Variants in CENPW observed in about 807,000 individuals in gnomAD.
CENPW encodes cancer-up-regulated gene 2 protein.
A neutral mutation model predicts 11.1 loss-of-function variants in CENPW; 3 were observed. The ratio of observed to expected loss-of-function variants is 0.27; its 90% CI spans 0.12 to 0.70. The LOEUF is 0.70. Among genes scored for constraint, CENPW ranks in the 30% least tolerant of loss-of-function variants. The probability of loss-of-function intolerance (pLI) is 0.77; values close to 1 mark genes in which losing one functional copy is unlikely to be tolerated. For missense variants in CENPW, 100 were observed against 105.6 expected (o/e 0.95, Z 0.23); for synonymous variants, 38 against 42.0 (o/e 0.91, Z 0.37).
At chr6:126,422,020 T>C in the CENPW span, among the ~76,000 whole-genome samples, 1 of 152,108 alleles carries the variant, frequency 6.6e-6, no homozygotes, top group Non-Finnish European at 1.5e-5. Flanking sequence ...GTACCTATAT[T>C]TGAAAAGCAA....
the CENPW span, among the ~76,000 whole-genome samples, chr6:126,461,742 AC>A: frequency 6.6e-6 from 1 of 151,984 alleles, no homozygotes; most frequent in African/African-American, 2.4e-5. Flanking sequence ...GAATGATGAT[AC>A]AGCTTTGATG....
chr6:126,427,747 C>T, the CENPW span, among the ~76,000 whole-genome samples: 1 of 152,074 alleles, frequency 6.6e-6, no homozygotes, highest in Non-Finnish European at 1.5e-5. Context: ...GTGACAAACC[C>T]CATTTTCCAT....
the CENPW span, among the ~76,000 whole-genome samples, chr6:126,451,950 G>A: frequency 1.1e-4 from 17 of 150,658 alleles, no homozygotes; most frequent in South Asian, 6.3e-4. Flanking sequence ...ATAACTATAC[G>A]AAAGACTTTC....
chr6:126,368,192 C>T, the CENPW span, among the ~76,000 whole-genome samples: 23 of 152,234 alleles, frequency 1.5e-4, no homozygotes, highest in African/African-American at 4.1e-4. Flanking sequence ...CTTTATGTTC[C>T]GCACTGGGGG....
the CENPW span, among the ~76,000 whole-genome samples, chr6:126,470,763 G>A: frequency 6.6e-6 from 1 of 152,252 alleles, no homozygotes; most frequent in Non-Finnish European, 1.5e-5. Flanking sequence ...TCCTGGGTGT[G>A]AGACATGGAG....
At chr6:126,439,855 T>C in the CENPW span, among the ~76,000 whole-genome samples, 2 of 151,624 alleles carry the variant, frequency 1.3e-5, no homozygotes, top group African/African-American at 4.8e-5. Flanking sequence ...TTCTGTATCA[T>C]ATTTAAACCA....
the CENPW span, among the ~76,000 whole-genome samples, chr6:126,397,782 T>C: frequency 6.6e-6 from 1 of 152,162 alleles, no homozygotes; most frequent in South Asian, 2.1e-4. Flanking sequence ...ATCTCATTAC[T>C]TTCACTCTAA....
chr6:126,384,978 C>T, the CENPW span, among the ~76,000 whole-genome samples: 1 of 151,972 alleles, frequency 6.6e-6, no homozygotes, highest in African/African-American at 2.4e-5. Flanking sequence ...CAAATGCGTA[C>T]ACACATTTGG....
At chr6:126,377,190 A>AT in the CENPW span, among the ~76,000 whole-genome samples, 4 of 152,188 alleles carry the variant, frequency 2.6e-5, no homozygotes, top group African/African-American at 9.6e-5. Flanking sequence ...TTATACTTCT[A>AT]TTTTTTAACT....
chr6:126,372,458 T>G, the CENPW span, among the ~76,000 whole-genome samples: 1 of 152,190 alleles, frequency 6.6e-6, no homozygotes, highest in Non-Finnish European at 1.5e-5. Flanking sequence ...ACTTGCGATC[T>G]CAGTTGATGG....
At chr6:126,345,921 G>A (rs1157931951) in intron 1 of CENPW, among the ~76,000 whole-genome samples, 4 of 152,008 alleles carry the variant, frequency 2.6e-5, no homozygotes, top group Non-Finnish European at 5.9e-5. Flanking sequence ...GTTACTAAGC[G>A]AATCTTACAT....
At chr6:126,424,653 G>C in the CENPW span, among the ~76,000 whole-genome samples, 5 of 152,094 alleles carry the variant, frequency 3.3e-5, no homozygotes, top group African/African-American at 1.2e-4. Context: ...TCGGGGTGCT[G>C]TGCTCATGTA....
chr6:126,404,189 T>A, the CENPW span, among the ~76,000 whole-genome samples: 1 of 152,086 alleles, frequency 6.6e-6, no homozygotes, highest in African/African-American at 2.4e-5. Flanking sequence ...ATTTACCTGG[T>A]CATCCAAGAG....
downstream of CENPW, among the ~76,000 whole-genome samples, chr6:126,351,149 A>T (rs34594808): frequency 3.0e-3 from 441 of 147,166 alleles, 6 homozygotes; most frequent in Non-Finnish European, 2.8e-3. Flanking sequence ...AGAGAGAGTG[A>T]GTGTGTGTGT....
At chr6:126,373,625 T>G in the CENPW span, among the ~76,000 whole-genome samples, 1 of 152,232 alleles carries the variant, frequency 6.6e-6, no homozygotes, top group Non-Finnish European at 1.5e-5. Context: ...TCAAGATGAC[T>G]TCTTCACTCG....
chr6:126,385,807 CTG>C, the CENPW span, among the ~76,000 whole-genome samples: 2 of 152,102 alleles, frequency 1.3e-5, no homozygotes, highest in African/African-American at 4.8e-5. Flanking sequence ...TATTGTAAGA[CTG>C]AGGTTTCCCC....
At chr6:126,343,878 G>A (rs1407126921) in intron 1 of CENPW, among the ~76,000 whole-genome samples, 1 of 152,122 alleles carries the variant, frequency 6.6e-6, no homozygotes, top group Admixed American at 6.5e-5. Context: ...CACACACCCA[G>A]GAACAATACT....
chr6:126,383,424 T>C, the CENPW span, among the ~76,000 whole-genome samples: 2 of 152,068 alleles, frequency 1.3e-5, no homozygotes, highest in East Asian at 1.9e-4. Flanking sequence ...CACATACCAA[T>C]ACTAACCTTG....
the CENPW span, among the ~76,000 whole-genome samples, chr6:126,465,868 T>C: frequency 6.6e-6 from 1 of 152,094 alleles, no homozygotes; most frequent in African/African-American, 2.4e-5. Flanking sequence ...TCACAGACAG[T>C]ATTATCTAGA....
Sources: gnomAD v4.1 joint callset for allele counts (sites outside exome capture counted in the v4.1 genomes callset) on GRCh38, gnomAD v4.1.1 for gene constraint, MANE v1.5 for transcripts, NCBI Gene and HGNC (gene_info 2026-07-23, HGNC 2026-07-21) for gene names.